ANKFN1: variants seen among roughly 807,000 people sequenced by gnomAD.
ANKFN1 encodes ankyrin repeat and fibronectin type-III domain-containing protein 1.
ANKFN1 carries 74 observed loss-of-function variants against 108.7 expected under a neutral mutation model. That is an observed-to-expected ratio of 0.68 (90% CI 0.56 to 0.83). ANKFN1 has a LOEUF of 0.83. ANKFN1 is among the 40% of genes least tolerant of loss of function. The pLI, the probability that ANKFN1 is intolerant of heterozygous loss-of-function variation, is 0.00. For synonymous variants in ANKFN1, 547 were observed against 516.2 expected (o/e 1.06, Z -0.81); for missense variants, 1,505 against 1,382.3 (o/e 1.09, Z -1.41).
intron 4 of ANKFN1, among the ~76,000 whole-genome samples, chr17:56,341,737 T>C (rs2045964352): frequency 6.6e-6 from 1 of 152,080 alleles, no homozygotes; most frequent in Admixed American, 6.6e-5. Flanking sequence ...TTTGCATCAA[T>C]GTTCTTCCAG....
At chr17:56,423,388 G>A (rs1225889482) in intron 8 of ANKFN1, among the ~76,000 whole-genome samples, 1 of 152,202 alleles carries the variant, frequency 6.6e-6, no homozygotes, top group Non-Finnish European at 1.5e-5. Context: ...TGAAATATGA[G>A]TAAGAACAGC....
intron 6 of ANKFN1, among the ~76,000 whole-genome samples, chr17:56,370,900 A>G (rs2144761690): frequency 6.6e-6 from 1 of 151,974 alleles, no homozygotes; most frequent in Admixed American, 6.6e-5. Context: ...TGAGGCTACT[A>G]ATATTGCCAA....
chr17:56,498,978 C>CATCA lies in ANKFN1; in HGVS notation c.2524_2525insATCA (p.Leu842HisfsTer8). The CATCA allele has an allele frequency of 6.5e-7, 1 of 1,535,748 alleles. No homozygotes were observed. Among genetic ancestry groups the CATCA allele is most frequent in the South Asian group, 1.2e-5 (1 of 84,054 alleles). On this transcript the variant is annotated frameshift_variant, in exon 20 of 21. Coordinates refer to ENST00000682825, the MANE Select transcript of ANKFN1 (RefSeq NM_001370326.1). LOFTEE classifies it high-confidence loss of function. ...AGTTTCTGGCTTGCCCATCACTAAG[C>CATCA]TGATAGACCCCTCAGATGAGCAGAG...
At chr17:56,147,639 G>T (rs756255848) in intron 4 of ANKFN1, among the ~76,000 whole-genome samples, 14 of 152,194 alleles carry the variant, frequency 9.2e-5, no homozygotes, top group Non-Finnish European at 1.8e-4. Context: ...TCCCACCCTT[G>T]ACGTGTGGGG....
chr17:56,101,613 G>A lies in ANKFN1; in HGVS notation c.288+55288G>A, dbSNP rs953548236. Reference sequence around the variant, plus strand: ...AAACTTTTTAAGCAACCTGTCACTGGCACAACCTCCAAGACATCATCAGTA... The same window carrying A: ...AAACTTTTTAAGCAACCTGTCACTGACACAACCTCCAAGACATCATCAGTA... On this transcript the variant is annotated intron_variant, in intron 4 of 12. Coordinates refer to the ANKFN1 transcript ENST00000635860. 2.0e-5 allele frequency among the ~76,000 whole-genome samples: 3 copies of A among 152,272 alleles called. No individual in the cohort carries two copies. The East Asian group carries it at 5.8e-4, about 29-fold the overall frequency.
chr17:56,477,371 T>A lies in ANKFN1; in HGVS notation c.1774-117T>A. The A allele has an allele frequency of 4.0e-6, 4 of 1,010,850 alleles. No homozygotes were observed. The South Asian group carries it at 8.5e-5, about 21-fold the overall frequency. 62.6% of individuals were successfully genotyped at this position (1,010,850 alleles called of 1,614,324 possible). ...GTATACCTGAGGTTTCTCACCTAAT[T>A]ACTTAGTGACAGCTCCTTTCATTCA... On this transcript the variant is annotated intron_variant, in intron 15 of 20. Transcript: ENST00000682825.
intron 19 of ANKFN1, among the ~76,000 whole-genome samples, chr17:56,495,181 T>C (rs2145430324): frequency 6.6e-6 from 1 of 152,274 alleles, no homozygotes; most frequent in African/African-American, 2.4e-5. Context: ...ATATAACTTC[T>C]TGGTCTGGGT....
intron 8 of ANKFN1, among the ~76,000 whole-genome samples, chr17:56,427,484 A>G (rs1257102000): frequency 6.6e-6 from 1 of 152,066 alleles, no homozygotes; most frequent in Non-Finnish European, 1.5e-5. Context: ...ATGAACATAC[A>G]GAACACCTTT....
intron 3 of ANKFN1, among the ~76,000 whole-genome samples, chr17:56,290,655 T>C (rs1020546901): frequency 1.3e-5 from 2 of 152,194 alleles, no homozygotes; most frequent in African/African-American, 4.8e-5. Context: ...TATTTGGTAC[T>C]GTAAATAAGG....
At chr17:56,366,510 T>C (rs7213810) in intron 6 of ANKFN1, among the ~76,000 whole-genome samples, 4,330 of 152,314 alleles carry the variant, frequency 0.028, 210 homozygotes, top group African/African-American at 0.1. Flanking sequence ...CACTCACTGA[T>C]TCACCCAAAG....
rs1168601853 is a variant in ANKFN1 at position 56,480,812 on chromosome 17, A to G, written c.2085A>G (p.Leu695=). Residue 695 remains leucine (L), a synonymous_variant, in exon 17 of 21, where the codon CTA becomes CTG. Transcript: ENST00000682825. ...TCCTTCAGCAGATCAATATACCTCTACACCAGGTACTAGACTTTACCATTT... is the reference window on the plus strand; with the variant it reads ...TCCTTCAGCAGATCAATATACCTCTGCACCAGGTACTAGACTTTACCATTT... ...KALLQQINIP[L]HQARNFRLYT... 2 of 1,613,578 alleles carry G rather than the reference A, an allele frequency of 1.2e-6. No homozygotes were observed. Among genetic ancestry groups the G allele is most frequent in the East Asian group, 2.2e-5 (1 of 44,868 alleles).
At chr17:56,361,939 C>G (rs1272395008) in intron 6 of ANKFN1, among the ~76,000 whole-genome samples, 1 of 152,116 alleles carries the variant, frequency 6.6e-6, no homozygotes, top group African/African-American at 2.4e-5. Flanking sequence ...CATGTATAAC[C>G]TAATCTCAGA....
At chr17:56,070,882 A>G (rs947450616) in intron 4 of ANKFN1, among the ~76,000 whole-genome samples, 44 of 151,842 alleles carry the variant, frequency 2.9e-4, no homozygotes, top group African/African-American at 9.4e-4. Flanking sequence ...CTACAGGTGC[A>G]CACCACCACG....
intron 8 of ANKFN1, among the ~76,000 whole-genome samples, chr17:56,395,463 G>A (rs558893894): frequency 2.0e-4 from 30 of 152,078 alleles, no homozygotes; most frequent in Non-Finnish European, 4.0e-4. Flanking sequence ...ACACAGAGTG[G>A]GACAGAGAAG....
chr17:56,165,090 C>CT (rs1910025593), intron 1 of ANKFN1, among the ~76,000 whole-genome samples: 1 of 152,164 alleles, frequency 6.6e-6, no homozygotes, highest in Admixed American at 6.5e-5. Context: ...GAACTTTAAG[C>CT]TCTGTGTCAG....
intron 3 of ANKFN1, among the ~76,000 whole-genome samples, chr17:56,229,767 T>G (rs1222808895): frequency 6.6e-6 from 1 of 151,244 alleles, no homozygotes; most frequent in African/African-American, 2.4e-5. Context: ...TTTTTTTTTC[T>G]CAGACACATA....
At chr17:56,346,731 TA>T (rs1249038790) in intron 4 of ANKFN1, among the ~76,000 whole-genome samples, 2 of 88,834 alleles carry the variant, frequency 2.3e-5, no homozygotes, top group Admixed American at 1.4e-4. Flanking sequence ...ATTGACGTAC[TA>T]TTTTTTTTTT....
intron 15 of ANKFN1, among the ~76,000 whole-genome samples, chr17:56,475,857 A>G (rs1486274570): frequency 1.3e-5 from 2 of 152,186 alleles, no homozygotes; most frequent in Non-Finnish European, 2.9e-5. Flanking sequence ...TAAGTGTATT[A>G]GTCCATTTTC....
At chr17:56,338,526 G>C (rs117178095) in intron 4 of ANKFN1, among the ~76,000 whole-genome samples, 1 of 151,962 alleles carries the variant, frequency 6.6e-6, no homozygotes, top group South Asian at 2.1e-4. Flanking sequence ...AATAAGGAAC[G>C]CTCTCTTAAG....
Sources: allele counts gnomAD v4.1 joint callset (sites outside exome capture counted in the v4.1 genomes callset), GRCh38; gene constraint gnomAD v4.1.1; transcripts MANE v1.5; gene names NCBI Gene and HGNC (gene_info 2026-07-23, HGNC 2026-07-21).